Variants in PEX14 observed in about 807,000 individuals in gnomAD.
PEX14 encodes the protein peroxisomal membrane protein PEX14.
In PEX14, 15 loss-of-function variants were observed where a neutral mutation model predicts 49.5. That is an observed-to-expected ratio of 0.30 (90% CI 0.20 to 0.47). The LOEUF is 0.47. PEX14 is among the 20% of genes least tolerant of loss of function. PEX14 has a pLI of 1.00. For synonymous variants in PEX14, 210 were observed against 212.7 expected, an observed-to-expected ratio of 0.99 and a Z score of 0.11; for missense variants, 398 against 494.8, an observed-to-expected ratio of 0.80 and a Z score of 1.86.
chr1:10,532,414 A>G (rs2124474854), intron 2 of PEX14, among the ~76,000 whole-genome samples: 1 of 152,168 alleles, frequency 6.6e-6, no homozygotes, highest in South Asian at 2.1e-4. Flanking sequence ...GGGCGGGGAG[A>G]AACTGGTCTG....
At chr1:10,550,843 T>C (rs762006346) in intron 3 of PEX14, among the ~76,000 whole-genome samples, 2 of 152,228 alleles carry the variant, frequency 1.3e-5, no homozygotes, top group Non-Finnish European at 2.9e-5. Flanking sequence ...CTAGAATGAC[T>C]ACAGAGGTTA....
rs189433394 is a variant in PEX14 at position 10,613,267 on chromosome 1, G to A, written c.299-5065G>A. Among the ~76,000 whole-genome samples the A allele has an allele frequency of 1.6e-4, 25 of 152,312 alleles. No homozygotes were observed. The East Asian group carries it at 4.4e-3, about 27-fold the overall frequency. ...GTTGGTGGAGGTATAAAGAAACAGA[G>A]TCATGTTGGTTTTGTTGGTGTTCAG... On this transcript the variant is annotated intron_variant, in intron 4 of 8. Coordinates refer to ENST00000356607, the MANE Select transcript of PEX14 (RefSeq NM_004565.3). The surrounding 1 kb of genome is among the most constrained non-coding windows in gnomAD (Gnocchi z 5.0).
At chr1:10,488,952 G>T (rs1641421369) in intron 1 of PEX14, among the ~76,000 whole-genome samples, 1 of 152,062 alleles carries the variant, frequency 6.6e-6, no homozygotes, top group Admixed American at 6.6e-5. Context: ...ACATTTTCCT[G>T]CTTCTTGACA....
intron 1 of PEX14, 33 bp downstream of exon 1, chr1:10,475,035 G>C: frequency 1.3e-6 from 2 of 1,594,978 alleles, no homozygotes; most frequent in Non-Finnish European, 1.7e-6. Context: ...GCTGTGCGGC[G>C]GAGACCCCGG....
intron 2 of PEX14, among the ~76,000 whole-genome samples, chr1:10,502,796 CTT>C (rs34497048): frequency 0.26 from 34,616 of 132,688 alleles, 4,805 homozygotes; most frequent in Admixed American, 0.37. Context: ...TTTTCTTTTT[CTT>C]TTTTTTTTTT....
intron 3 of PEX14, among the ~76,000 whole-genome samples, chr1:10,579,804 G>A (rs952195098): frequency 1.3e-5 from 2 of 152,020 alleles, no homozygotes; most frequent in Non-Finnish European, 2.9e-5. Context: ...GTGGGTTTTG[G>A]CCAGCTCCTT....
intron 2 of PEX14, among the ~76,000 whole-genome samples, chr1:10,509,022 C>T (rs1178301860): frequency 7.9e-5 from 12 of 151,956 alleles, no homozygotes; most frequent in African/African-American, 2.7e-4. Flanking sequence ...CTGCAAACAC[C>T]GCCTCCTAGG....
chr1:10,532,594 A>G (rs1327677323), intron 2 of PEX14, among the ~76,000 whole-genome samples: 1 of 152,170 alleles, frequency 6.6e-6, no homozygotes, highest in Non-Finnish European at 1.5e-5. Flanking sequence ...TTAGTGCCAG[A>G]ATTCTCCCTG....
chr1:10,563,491 A>G (rs1639712118), intron 3 of PEX14, among the ~76,000 whole-genome samples: 1 of 152,080 alleles, frequency 6.6e-6, no homozygotes, highest in Non-Finnish European at 1.5e-5. Context: ...TGTGCTGGGC[A>G]TAGTGGCACA....
At chr1:10,488,998 G>A (rs947704379) in intron 1 of PEX14, among the ~76,000 whole-genome samples, 4 of 151,830 alleles carry the variant, frequency 2.6e-5, no homozygotes, top group African/African-American at 9.7e-5. Context: ...TTATGTTTTT[G>A]AGACTGAGTT....
At chr1:10,477,489 C>T (rs1173616688) in intron 1 of PEX14, among the ~76,000 whole-genome samples, 1 of 152,176 alleles carries the variant, frequency 6.6e-6, no homozygotes, top group East Asian at 1.9e-4. Flanking sequence ...TTGATCAATC[C>T]AGTTTCCCAT....
At chr1:10,605,612 T>A (rs1641103313) in intron 4 of PEX14, among the ~76,000 whole-genome samples, 1 of 152,196 alleles carries the variant, frequency 6.6e-6, no homozygotes, top group Admixed American at 6.5e-5. Flanking sequence ...GCGTAAGTGA[T>A]ACTGAGGTGA....
At chr1:10,561,552 T>A (rs1355993407) in intron 3 of PEX14, among the ~76,000 whole-genome samples, 1 of 152,240 alleles carries the variant, frequency 6.6e-6, no homozygotes, top group Non-Finnish European at 1.5e-5. Context: ...GTGAGAAAGA[T>A]CAGATTCTTC....
intron 2 of PEX14, among the ~76,000 whole-genome samples, chr1:10,534,117 G>C (rs954278330): frequency 1.5e-4 from 23 of 152,342 alleles, no homozygotes; most frequent in African/African-American, 5.5e-4. Flanking sequence ...TTCTGCTTAA[G>C]ACCTGTTCAT....
chr1:10,587,584 T>G (rs1355730170), intron 3 of PEX14, among the ~76,000 whole-genome samples: 1 of 152,178 alleles, frequency 6.6e-6, no homozygotes, highest in Non-Finnish European at 1.5e-5. Flanking sequence ...ACAGGTCTTA[T>G]TAAAATTAAA....
At chr1:10,561,221 A>G (rs55646522) in intron 3 of PEX14, among the ~76,000 whole-genome samples, 159 of 152,340 alleles carry the variant, frequency 1.0e-3, no homozygotes, top group Non-Finnish European at 2.0e-3. Context: ...CACTAATTCC[A>G]TAAGATCATC....
At chr1:10,488,973 T>A (rs533178978) in intron 1 of PEX14, among the ~76,000 whole-genome samples, 1 of 152,160 alleles carries the variant, frequency 6.6e-6, no homozygotes, top group African/African-American at 2.4e-5. Flanking sequence ...TATGTTGAAA[T>A]TTTTAAATTA....
intron 3 of PEX14, among the ~76,000 whole-genome samples, chr1:10,598,490 A>T (rs1324730602): frequency 6.6e-6 from 1 of 152,196 alleles, no homozygotes; most frequent in Non-Finnish European, 1.5e-5. Context: ...TCCACATGGC[A>T]TAGCCACTGC....
In PEX14 at chr1:10,597,585, T is replaced by C. The variant is rs1399004715; in HGVS notation, c.170-1653T>C. On this transcript the variant is annotated intron_variant, in intron 3 of 8. Transcript: ENST00000356607. This position sits in a 1 kb window ranked among gnomAD's most constrained non-coding sequence, Gnocchi z 5.7. ...CTCTACTGACCTTCAGCTTTTGTCT[T>C]TGGAAGGTGGTACGTGATGCGCTGT... 6.6e-6 allele frequency among the ~76,000 whole-genome samples: 1 copy of C among 152,168 alleles called. No individual in the cohort carries two copies. Among genetic ancestry groups the C allele is most frequent in the African/African-American group, 2.4e-5 (1 of 41,436 alleles).
Sources: allele counts gnomAD v4.1 joint callset (sites outside exome capture counted in the v4.1 genomes callset), GRCh38; gene constraint gnomAD v4.1.1; non-coding constraint Gnocchi (gnomAD v3.1); transcripts MANE v1.5; gene names NCBI Gene and HGNC (gene_info 2026-07-23, HGNC 2026-07-21).